DCBLD1: variants seen among roughly 807,000 people sequenced by gnomAD.
DCBLD1 encodes discoidin, CUB and LCCL domain containing 1, also known as discoidin, CUB and LCCL domain-containing protein 1.
In DCBLD1, 57 loss-of-function variants were observed where a neutral mutation model predicts 71.5. The observed-to-expected ratio is 0.80, with a 90% CI of 0.64 to 0.99. The LOEUF (loss-of-function observed/expected upper bound fraction) is 0.99. Ranked by LOEUF, DCBLD1 falls within the 50% of genes least tolerant of loss-of-function variation. The pLI is 0.00. For missense variants in DCBLD1, 891 were observed against 923.5 expected (o/e 0.96, Z 0.46); for synonymous variants, 380 against 363.8 (o/e 1.04, Z -0.51).
intron 14 of DCBLD1, chr6:117,562,561 TA>T: frequency 4.9e-6 from 1 of 202,722 alleles, no homozygotes. Context: ...GCATTTCTTT[TA>T]AAAAACAAAA....
At chr6:117,558,443 A>C (rs978385599) in intron 14 of DCBLD1, among the ~76,000 whole-genome samples, 1 of 152,196 alleles carries the variant, frequency 6.6e-6, no homozygotes, top group Non-Finnish European at 1.5e-5. Flanking sequence ...TTTCCAATTT[A>C]ATAATTTTTT....
intron 2 of DCBLD1, among the ~76,000 whole-genome samples, chr6:117,509,222 A>G (rs1435813362): frequency 3.3e-5 from 5 of 152,170 alleles, no homozygotes; most frequent in African/African-American, 1.2e-4. Flanking sequence ...ACTTGAGCTT[A>G]GGAATTTGAG....
chr6:117,561,706 G>T, intron 14 of DCBLD1: 1 of 203,792 alleles, frequency 4.9e-6, no homozygotes, highest in Non-Finnish European at 1.0e-5. Flanking sequence ...GTATTTTAAT[G>T]TCAGTAACAA....
intron 12 of DCBLD1, among the ~76,000 whole-genome samples, chr6:117,543,862 T>C (rs1779179502): frequency 6.6e-6 from 1 of 152,200 alleles, no homozygotes; most frequent in Non-Finnish European, 1.5e-5. Context: ...CAAGCCTGTT[T>C]CCTTATGTAT....
At chr6:117,565,381 A>G (rs1029498552) in intron 14 of DCBLD1, among the ~76,000 whole-genome samples, 1 of 152,198 alleles carries the variant, frequency 6.6e-6, no homozygotes, top group African/African-American at 2.4e-5. Flanking sequence ...TTGTTCTCTG[A>G]TATTATACAA....
intron 1 of DCBLD1, among the ~76,000 whole-genome samples, chr6:117,486,011 A>G (rs1256033293): frequency 6.6e-6 from 1 of 152,274 alleles, no homozygotes; most frequent in Non-Finnish European, 1.5e-5. Context: ...TAAAAAATTC[A>G]TTAAACAAAT....
chr6:117,551,511 C>T (rs1779427534), downstream of DCBLD1, among the ~76,000 whole-genome samples: 3 of 151,580 alleles, frequency 2.0e-5, no homozygotes, highest in South Asian at 6.3e-4. Context: ...TCCCGAGTAG[C>T]TAGGACTACA....
intron 6 of DCBLD1, among the ~76,000 whole-genome samples, chr6:117,532,740 TATC>T (rs1365086016): frequency 1.3e-5 from 2 of 152,216 alleles, no homozygotes; most frequent in African/African-American, 4.8e-5. Context: ...TCTCCAATGT[TATC>T]ATCATCTGAA....
At chr6:117,564,649 T>C (rs1045482636) in intron 14 of DCBLD1, among the ~76,000 whole-genome samples, 1 of 152,156 alleles carries the variant, frequency 6.6e-6, no homozygotes, top group African/African-American at 2.4e-5. Context: ...AAATTTTTAG[T>C]TGAGTCACAT....
At chr6:117,508,311 T>A (rs1245881141) in intron 2 of DCBLD1, among the ~76,000 whole-genome samples, 2 of 152,202 alleles carry the variant, frequency 1.3e-5, no homozygotes, top group African/African-American at 4.8e-5. Flanking sequence ...ACTGCCTTGG[T>A]CCTGTTCTCA....
At chr6:117,510,075 A>T (rs186891918) in intron 2 of DCBLD1, among the ~76,000 whole-genome samples, 14 of 152,190 alleles carry the variant, frequency 9.2e-5, no homozygotes, top group Non-Finnish European at 1.8e-4. Context: ...TAGTTGCAAT[A>T]ATTTCTTTCC....
chr6:117,498,678 C>G (rs1415744381), intron 1 of DCBLD1, among the ~76,000 whole-genome samples: 3 of 152,214 alleles, frequency 2.0e-5, no homozygotes, highest in African/African-American at 4.8e-5. Context: ...GAGCCCTCAT[C>G]ATCCATCTAT....
At chr6:117,496,247 A>C (rs538849693) in intron 1 of DCBLD1, among the ~76,000 whole-genome samples, 8 of 151,924 alleles carry the variant, frequency 5.3e-5, no homozygotes, top group Non-Finnish European at 1.0e-4. Flanking sequence ...TTCTTTCAGC[A>C]TAGTATTATT....
At chr6:117,511,244 G>A (rs1778010355) in intron 2 of DCBLD1, among the ~76,000 whole-genome samples, 1 of 152,228 alleles carries the variant, frequency 6.6e-6, no homozygotes, top group Non-Finnish European at 1.5e-5. Flanking sequence ...AGGAGTATCC[G>A]GAGAATAAAG....
intron 1 of DCBLD1, among the ~76,000 whole-genome samples, chr6:117,487,516 C>T (rs1019833371): frequency 6.6e-6 from 1 of 152,020 alleles, no homozygotes; most frequent in Non-Finnish European, 1.5e-5. Flanking sequence ...CTCGGCTACT[C>T]GGGATGCTGA....
intron 5 of DCBLD1, among the ~76,000 whole-genome samples, chr6:117,529,879 G>A (rs1251000919): frequency 1.3e-5 from 2 of 152,116 alleles, no homozygotes; most frequent in Non-Finnish European, 2.9e-5. Context: ...TTATAAAAAA[G>A]GTATTCACCA....
intron 1 of DCBLD1, among the ~76,000 whole-genome samples, chr6:117,484,317 G>A (rs962364751): frequency 1.3e-5 from 2 of 152,142 alleles, no homozygotes; most frequent in Non-Finnish European, 2.9e-5. Flanking sequence ...AGGAACAAGT[G>A]TGATTGCTTA....
chr6:117,530,393 C>G (rs966120863), intron 5 of DCBLD1, among the ~76,000 whole-genome samples: 1 of 152,184 alleles, frequency 6.6e-6, no homozygotes, highest in Non-Finnish European at 1.5e-5. Flanking sequence ...TCCTCACATG[C>G]GCAGTTGTCA....
At chr6:117,518,078 T>C (rs1300036280) in intron 2 of DCBLD1, among the ~76,000 whole-genome samples, 1 of 152,244 alleles carries the variant, frequency 6.6e-6, no homozygotes, top group Non-Finnish European at 1.5e-5. Flanking sequence ...TATGCTCTGC[T>C]TCCCTTATAA....
Sources: allele counts gnomAD v4.1 joint callset (sites outside exome capture counted in the v4.1 genomes callset), GRCh38; gene constraint gnomAD v4.1.1; transcripts MANE v1.5; gene names NCBI Gene and HGNC (gene_info 2026-07-23, HGNC 2026-07-21).